The following ANGPT1 variants were observed in gnomAD, a reference collection of about 807,000 sequenced individuals.
The protein encoded by ANGPT1 is angiopoietin 1, also known as angiopoietin-1.
A neutral mutation model predicts 62.2 loss-of-function variants in ANGPT1; 17 were observed. That is an observed-to-expected ratio of 0.27 (90% CI 0.19 to 0.41). The LOEUF is 0.41. ANGPT1 is among the 10% of genes least tolerant of loss of function. The pLI, the probability that ANGPT1 is intolerant of heterozygous loss-of-function variation, is 1.00. For missense variants in ANGPT1, 478 were observed against 594.9 expected, an observed-to-expected ratio of 0.80 and a Z score of 2.04; for synonymous variants, 199 against 198.9, an observed-to-expected ratio of 1.00 and a Z score of 0.00.
intron 1 of ANGPT1, among the ~76,000 whole-genome samples, chr8:107,369,687 G>T (rs1395480948): frequency 1.3e-5 from 2 of 152,076 alleles, no homozygotes; most frequent in African/African-American, 4.8e-5. Flanking sequence ...CAATATTTTT[G>T]TGTCTTTGAG....
intron 1 of ANGPT1, among the ~76,000 whole-genome samples, chr8:107,412,610 G>A (rs1056945291): frequency 5.3e-5 from 8 of 152,220 alleles, no homozygotes; most frequent in African/African-American, 9.6e-5. Flanking sequence ...ATTTAAATCC[G>A]CATTGAGTAT....
intron 7 of ANGPT1, among the ~76,000 whole-genome samples, chr8:107,266,295 T>G (rs16875968): frequency 0.039 from 5,891 of 152,202 alleles, 345 homozygotes; most frequent in African/African-American, 0.13. Flanking sequence ...AACTTTCAAT[T>G]CAATCACTTC....
intron 7 of ANGPT1, among the ~76,000 whole-genome samples, chr8:107,279,994 T>C (rs907044496): frequency 6.6e-6 from 1 of 151,952 alleles, no homozygotes; most frequent in African/African-American, 2.4e-5. Flanking sequence ...GAGTGAAGCA[T>C]GCAGAACTCA....
chr8:107,339,662 C>A, intron 2 of ANGPT1, among the ~76,000 whole-genome samples: 1 of 152,284 alleles, frequency 6.6e-6, no homozygotes, highest in Non-Finnish European at 1.5e-5. Flanking sequence ...AGAATGTCAG[C>A]TGCACAGAGG....
chr8:107,473,711 G>A (rs1812426599), intron 1 of ANGPT1, among the ~76,000 whole-genome samples: 1 of 152,042 alleles, frequency 6.6e-6, no homozygotes. Flanking sequence ...ACAGTGCAGT[G>A]TATATCCTGC....
chr8:107,259,394 A>T (rs1468990445), intron 8 of ANGPT1, among the ~76,000 whole-genome samples: 1 of 152,144 alleles, frequency 6.6e-6, no homozygotes, highest in Admixed American at 6.5e-5. Context: ...TGCTGTTAGC[A>T]TCTGGAAAGT....
chr8:107,384,764 A>G (rs1437270675), intron 1 of ANGPT1, among the ~76,000 whole-genome samples: 1 of 152,104 alleles, frequency 6.6e-6, no homozygotes, highest in African/African-American at 2.4e-5. Context: ...TAAGTTTTAC[A>G]GTTAAATCCT....
rs1335447380 is a variant in ANGPT1 at position 107,294,042 on chromosome 8, C to T, written c.937-5G>A. On this transcript the variant is annotated splice_polypyrimidine_tract_variant and splice_region_variant and intron_variant, in intron 5 of 8. Coordinates refer to ENST00000517746, the MANE Select transcript of ANGPT1 (RefSeq NM_001146.5). Reference sequence around the variant, plus strand: ...GACATCCATATTGCAAAACACCTGACAAATGGAAAACAAAGTCAAGTAAAA... The same window carrying T: ...GACATCCATATTGCAAAACACCTGATAAATGGAAAACAAAGTCAAGTAAAA... 1.9e-6 allele frequency: 3 copies of T among 1,603,036 alleles called. No homozygotes were observed. Among genetic ancestry groups the T allele is most frequent in the Non-Finnish European group, 1.7e-6 (2 of 1,174,148 alleles).
At chr8:107,369,665 T>C (rs1017635388) in intron 1 of ANGPT1, among the ~76,000 whole-genome samples, 13 of 152,150 alleles carry the variant, frequency 8.5e-5, no homozygotes, top group Admixed American at 5.9e-4. Context: ...GGGTTATTCA[T>C]TGACCTAATT....
At chr8:107,405,953 T>C (rs1339306065) in intron 1 of ANGPT1, among the ~76,000 whole-genome samples, 2 of 151,984 alleles carry the variant, frequency 1.3e-5, no homozygotes, top group Non-Finnish European at 2.9e-5. Context: ...CAACTTCAAC[T>C]CATATTTTAA....
chr8:107,475,052 A>G (rs1003262781), intron 1 of ANGPT1, among the ~76,000 whole-genome samples: 5 of 152,188 alleles, frequency 3.3e-5, no homozygotes, highest in African/African-American at 1.2e-4. Flanking sequence ...TCAAGCTACC[A>G]ATGACTTTCT....
At chr8:107,360,416 C>A (rs1049248816) in intron 1 of ANGPT1, among the ~76,000 whole-genome samples, 1 of 152,046 alleles carries the variant, frequency 6.6e-6, no homozygotes, top group Non-Finnish European at 1.5e-5. Context: ...ATATTGCAGT[C>A]GATATTCAGA....
chr8:107,466,864 A>G (rs1456507787), intron 1 of ANGPT1, among the ~76,000 whole-genome samples: 1 of 152,066 alleles, frequency 6.6e-6, no homozygotes, highest in Non-Finnish European at 1.5e-5. Context: ...GTGAGCAGCA[A>G]CTATGCCATT....
chr8:107,470,210 G>A (rs998621493), intron 1 of ANGPT1, among the ~76,000 whole-genome samples: 1 of 151,988 alleles, frequency 6.6e-6, no homozygotes, highest in Non-Finnish European at 1.5e-5. Context: ...AGTACAATAT[G>A]TAGCCCTTTT....
intron 1 of ANGPT1, among the ~76,000 whole-genome samples, chr8:107,441,535 A>T (rs1811475826): frequency 6.6e-6 from 1 of 152,194 alleles, no homozygotes; most frequent in South Asian, 2.1e-4. Context: ...TGCCAAGTAG[A>T]GAGAAAATCA....
intron 6 of ANGPT1, among the ~76,000 whole-genome samples, chr8:107,286,722 G>A (rs1814150331): frequency 6.6e-6 from 1 of 152,100 alleles, no homozygotes; most frequent in South Asian, 2.1e-4. Flanking sequence ...TCCACCCATA[G>A]CTCACAGTAA....
rs960934791 is a variant in ANGPT1, at chr8:107,350,559, C to T, written c.298-3462G>A. 5.9e-5 allele frequency among the ~76,000 whole-genome samples: 9 copies of T among 152,192 alleles called. 1 individual carries two copies. Among genetic ancestry groups the T allele is most frequent in the African/African-American group, 1.7e-4 (7 of 41,544 alleles). Reference sequence around the variant, plus strand: ...AGTTAACACCAGCAAAGCAAAATAACTATTTCATGCTAGCATTCATCACAA... The same window carrying T: ...AGTTAACACCAGCAAAGCAAAATAATTATTTCATGCTAGCATTCATCACAA... On this transcript the variant is annotated intron_variant, in intron 1 of 8. Transcript: ENST00000517746.
intron 1 of ANGPT1, among the ~76,000 whole-genome samples, chr8:107,444,358 A>T (rs988799703): frequency 6.6e-6 from 1 of 151,916 alleles, no homozygotes; most frequent in Non-Finnish European, 1.5e-5. Flanking sequence ...AGCAAATCAC[A>T]CTCTCTTCAA....
At position 107,346,878 on chromosome 8, in the gene ANGPT1, A is replaced by G; in HGVS notation, c.453+64T>C. The G allele has an allele frequency of 2.1e-6, 3 of 1,433,614 alleles. No individual in the cohort carries two copies. The South Asian group carries it at 4.3e-5, about 21-fold the overall frequency. The allele number at this position is 1,433,614 out of a possible 1,614,324, so 88.8% of individuals were successfully genotyped here. On this transcript the variant is annotated intron_variant, in intron 2 of 8. Transcript: ENST00000517746. ...GCTGAAATGTGCTCTGTGTTTATGGAGAAAGCTAAAGAAAAAAAAAATTTT... is the reference window on the plus strand; with the variant it reads ...GCTGAAATGTGCTCTGTGTTTATGGGGAAAGCTAAAGAAAAAAAAAATTTT...
Sources: allele counts gnomAD v4.1 joint callset (sites outside exome capture counted in the v4.1 genomes callset), GRCh38; gene constraint gnomAD v4.1.1; transcripts MANE v1.5; gene names NCBI Gene and HGNC (gene_info 2026-07-23, HGNC 2026-07-21).